RERE: variants seen among roughly 807,000 people sequenced by gnomAD.
The protein encoded by RERE is arginine-glutamic acid dipeptide repeats, also known as arginine-glutamic acid dipeptide repeats protein.
A neutral mutation model predicts 146.1 loss-of-function variants in RERE; 40 were observed. That is an observed-to-expected ratio of 0.27 (90% CI 0.21 to 0.36). RERE has a LOEUF of 0.36. Among genes scored for constraint, RERE ranks in the 10% least tolerant of loss-of-function variants. The pLI is 1.00. For missense variants in RERE, 1,933 were observed against 2,138.7 expected, an observed-to-expected ratio of 0.90 and a Z score of 1.90; for synonymous variants, 1,003 against 866.0, an observed-to-expected ratio of 1.16 and a Z score of -2.78.
At chr1:8,793,427 GCCAGTC>G (rs1035888807) in intron 1 of RERE, among the ~76,000 whole-genome samples, 1 of 152,104 alleles carries the variant, frequency 6.6e-6, no homozygotes, top group African/African-American at 2.4e-5. Flanking sequence ...GGATTTCAAA[GCCAGTC>G]CCACAACAAC....
intron 12 of RERE, among the ~76,000 whole-genome samples, chr1:8,411,440 C>G (rs1206142526): frequency 1.3e-5 from 2 of 151,816 alleles, no homozygotes. Flanking sequence ...CCCTGCCCTG[C>G]TAGAACTTCA....
chr1:8,520,580 C>CTTCT (rs1485130299), intron 7 of RERE, among the ~76,000 whole-genome samples: 1 of 151,864 alleles, frequency 6.6e-6, no homozygotes, highest in African/African-American at 2.4e-5. Context: ...TCTTATCTGC[C>CTTCT]TTCTCTCTCT....
chr1:8,671,956 G>A (rs1385347107), intron 1 of RERE, among the ~76,000 whole-genome samples: 1 of 152,014 alleles, frequency 6.6e-6, no homozygotes, highest in African/African-American at 2.4e-5. Flanking sequence ...TAAGAGAAAG[G>A]GGAAAGCTGC....
intron 11 of RERE, among the ~76,000 whole-genome samples, chr1:8,448,578 G>GAA (rs1455978482): frequency 6.6e-6 from 1 of 152,168 alleles, no homozygotes; most frequent in Non-Finnish European, 1.5e-5. Context: ...CCAACATGGT[G>GAA]AAACTCCATC....
intron 7 of RERE, among the ~76,000 whole-genome samples, chr1:8,515,598 C>G (rs1645403440): frequency 6.6e-6 from 1 of 151,932 alleles, no homozygotes; most frequent in South Asian, 2.1e-4. Flanking sequence ...GCTACTACAC[C>G]CCAGCCTGAG....
chr1:8,361,013 A>G lies in RERE; in HGVS notation c.2494T>C (p.Ser832Pro), dbSNP rs933917627. 2 of 1,434,448 alleles carry G rather than the reference A, an allele frequency of 1.4e-6. No homozygotes were observed. Among genetic ancestry groups the G allele is most frequent in the African/African-American group, 2.9e-5 (2 of 68,804 alleles). The allele number at this position is 1,434,448 out of a possible 1,614,324, so 88.9% of individuals were successfully genotyped here. Reference protein sequence around the residue: ...PHPPLQPLTGSAGQPSAPSHA... With the variant: ...PHPPLQPLTGPAGQPSAPSHA... Reference sequence around the variant, plus strand: ...GAGGGTGCAGAAGGCTGGCCCGCCGACCCAGTCAGAGGCTGCAGCGGGGGA... The same window carrying G: ...GAGGGTGCAGAAGGCTGGCCCGCCGGCCCAGTCAGAGGCTGCAGCGGGGGA... Residue 832 changes from serine to proline, a missense_variant, in exon 18 of 23, where the codon TCG becomes CCG. Ser to Pro is a moderately conservative substitution (Grantham distance 74, BLOSUM62 -1). Transcript: ENST00000400908.
chr1:8,664,862 C>A (rs1638535027), intron 1 of RERE, among the ~76,000 whole-genome samples: 1 of 152,282 alleles, frequency 6.6e-6, no homozygotes, highest in Admixed American at 6.5e-5. Context: ...TGAACTCCTA[C>A]AATTATTTTA....
chr1:8,382,048 C>A (rs1268297168), intron 12 of RERE, among the ~76,000 whole-genome samples: 1 of 152,238 alleles, frequency 6.6e-6, no homozygotes, highest in Non-Finnish European at 1.5e-5. Flanking sequence ...CAGTCAAAAT[C>A]TTCCTCTAAG....
At chr1:8,485,546 T>C (rs1644887838) in intron 10 of RERE, among the ~76,000 whole-genome samples, 1 of 151,352 alleles carries the variant, frequency 6.6e-6, no homozygotes, top group African/African-American at 2.4e-5. Context: ...AAGTAAGAAG[T>C]TGTAAAGAGA....
chr1:8,696,515 G>A (rs186808129), intron 1 of RERE, among the ~76,000 whole-genome samples: 33 of 152,324 alleles, frequency 2.2e-4, no homozygotes, highest in African/African-American at 7.2e-4. Flanking sequence ...TCAGGAGGCT[G>A]AGGCAAAAGA....
Position 8,503,945 on chromosome 1 carries a change from T to C in RERE, c.879+4682A>G, listed in dbSNP as rs367734042. Among the ~76,000 whole-genome samples the C allele has an allele frequency of 3.9e-5, 6 of 152,236 alleles. No homozygotes were observed. In the East Asian group the frequency reaches 9.6e-4, roughly 24 times the overall value. ...CAAATAAGTAATTTTGTTGGTGTCA[T>C]TAAAAAATGGGATTTGAGTCACGGG... On this transcript the variant is annotated intron_variant, in intron 8 of 22. Coordinates refer to ENST00000400908, the MANE Select transcript of RERE (RefSeq NM_001042681.2).
At chr1:8,773,043 T>C (rs1438937809) in intron 1 of RERE, among the ~76,000 whole-genome samples, 1 of 151,776 alleles carries the variant, frequency 6.6e-6, no homozygotes, top group Non-Finnish European at 1.5e-5. Context: ...ACAGAGATCA[T>C]GCCATTGTAT....
At chr1:8,514,102 G>T (rs1570373511) in intron 7 of RERE, among the ~76,000 whole-genome samples, 1 of 152,274 alleles carries the variant, frequency 6.6e-6, no homozygotes, top group Non-Finnish European at 1.5e-5. Context: ...AAGCTGTCAG[G>T]CTCAGAGTGG....
At chr1:8,504,357 G>A (rs1645220764) in intron 8 of RERE, among the ~76,000 whole-genome samples, 1 of 152,154 alleles carries the variant, frequency 6.6e-6, no homozygotes, top group Admixed American at 6.5e-5. Context: ...AAATACGAAG[G>A]AAGATGCTCC....
At chr1:8,760,958 T>C (rs1640746085) in intron 1 of RERE, among the ~76,000 whole-genome samples, 1 of 152,172 alleles carries the variant, frequency 6.6e-6, no homozygotes, top group South Asian at 2.1e-4. Context: ...ATCATTTAGC[T>C]ATTATCAGCT....
intron 4 of RERE, among the ~76,000 whole-genome samples, chr1:8,588,594 G>T (rs1185808172): frequency 6.6e-6 from 1 of 152,084 alleles, no homozygotes; most frequent in Non-Finnish European, 1.5e-5. Flanking sequence ...AAGATAAGCT[G>T]GCCCAAATTC....
At chr1:8,655,362 G>A (rs1304668075) in intron 2 of RERE, among the ~76,000 whole-genome samples, 11 of 151,724 alleles carry the variant, frequency 7.3e-5, no homozygotes, top group Admixed American at 1.3e-4. Flanking sequence ...GCACACCACC[G>A]AGCCCAGCTA....
At chr1:8,556,691 G>A (rs545677224) in intron 5 of RERE, 120 bp from the exon 6 acceptor site, 106 of 638,144 alleles carry the variant, frequency 1.7e-4, no homozygotes, top group Non-Finnish European at 2.6e-4. Context: ...GGTTAGCATC[G>A]TTAAGTATGC....
chr1:8,375,739 T>G (rs1642221335), intron 12 of RERE, among the ~76,000 whole-genome samples: 1 of 142,944 alleles, frequency 7.0e-6, no homozygotes, highest in South Asian at 2.3e-4. Flanking sequence ...TGAAAATGCT[T>G]CCTCACTCAG....
Sources: allele counts gnomAD v4.1 joint callset (sites outside exome capture counted in the v4.1 genomes callset), GRCh38; gene constraint gnomAD v4.1.1; transcripts MANE v1.5; gene names NCBI Gene and HGNC (gene_info 2026-07-23, HGNC 2026-07-21).